The following LAMC1 variants were observed in gnomAD, a reference collection of about 807,000 sequenced individuals.
The protein encoded by LAMC1 is laminin subunit gamma 1.
In LAMC1, 38 loss-of-function variants were observed where a neutral mutation model predicts 173.6. The observed-to-expected ratio is 0.22, with a 90% CI of 0.17 to 0.29. The LOEUF (loss-of-function observed/expected upper bound fraction) is 0.29, where lower values mean the gene tolerates loss of function less well. LAMC1 is among the 10% of genes least tolerant of loss of function. The pLI, the probability that LAMC1 is intolerant of heterozygous loss-of-function variation, is 1.00. For synonymous variants in LAMC1, 746 were observed against 749.1 expected, an observed-to-expected ratio of 1.00 and a Z score of 0.07; for missense variants, 1,824 against 2,051.8, an observed-to-expected ratio of 0.89 and a Z score of 2.14.
At chr1:183,067,475 T>G (rs542781824) in intron 1 of LAMC1, among the ~76,000 whole-genome samples, 22 of 151,914 alleles carry the variant, frequency 1.4e-4, no homozygotes, top group South Asian at 1.2e-3. Flanking sequence ...CATATATATT[T>G]TTGTTGTTGT....
At chr1:183,089,603 T>A (rs762920998) in intron 1 of LAMC1, among the ~76,000 whole-genome samples, 2 of 152,206 alleles carry the variant, frequency 1.3e-5, no homozygotes, top group Non-Finnish European at 2.9e-5. Flanking sequence ...TCTGAAATGA[T>A]AATGTGCTTT....
intron 1 of LAMC1, among the ~76,000 whole-genome samples, chr1:183,076,274 G>T (rs538597400): frequency 1.3e-5 from 2 of 152,178 alleles, no homozygotes; most frequent in Admixed American, 6.5e-5. Context: ...TTATTGTTGG[G>T]CACACTTTAT....
intron 11 of LAMC1, among the ~76,000 whole-genome samples, chr1:183,118,480 T>G (rs924541715): frequency 1.3e-5 from 2 of 152,166 alleles, no homozygotes. Context: ...CCTAGCACTT[T>G]GGGAGGCTGA....
intron 24 of LAMC1, 75 bp downstream of exon 24, chr1:183,135,231 C>T: frequency 1.2e-6 from 1 of 865,268 alleles, no homozygotes; most frequent in Non-Finnish European, 1.9e-6. Context: ...ATGACTTTTA[C>T]CATATTTATT....
intron 26 of LAMC1, among the ~76,000 whole-genome samples, chr1:183,139,025 C>A (rs1657030142): frequency 1.3e-5 from 2 of 151,864 alleles, no homozygotes; most frequent in Non-Finnish European, 2.9e-5. Context: ...CCCTGGGCCA[C>A]AGAGGAAGAC....
chr1:183,092,643 G>A (rs1655593946), intron 1 of LAMC1, among the ~76,000 whole-genome samples: 1 of 152,152 alleles, frequency 6.6e-6, no homozygotes, highest in African/African-American at 2.4e-5. Flanking sequence ...TAGAGCGCCT[G>A]GGGGTTTTGA....
Position 183,130,527 on chromosome 1 carries a change from C to G in LAMC1, c.3464C>G (p.Ala1155Gly), listed in dbSNP as rs1162206748. 2 of 1,614,148 alleles carry G rather than the reference C, an allele frequency of 1.2e-6. No homozygotes were observed. Among genetic ancestry groups the G allele is most frequent in the Non-Finnish European group, 1.7e-6 (2 of 1,179,998 alleles). ...IEIASRELEK[A>G]KVAAANVSVT... ...ATCGCATCCAGAGAACTTGAGAAAGCAAAAGTCGCTGCTGCCAATGTGGTA... is the reference window on the plus strand; with the variant it reads ...ATCGCATCCAGAGAACTTGAGAAAGGAAAAGTCGCTGCTGCCAATGTGGTA... Residue 1155 changes from alanine to glycine, a missense_variant, in exon 19 of 28, where the codon GCA becomes GGA. Physicochemically the swap from Ala to Gly is moderately conservative, Grantham distance 60. Coordinates refer to ENST00000258341, the MANE Select transcript of LAMC1 (RefSeq NM_002293.4).
At chr1:183,099,474 A>G (rs946768205) in intron 1 of LAMC1, among the ~76,000 whole-genome samples, 2 of 152,050 alleles carry the variant, frequency 1.3e-5, no homozygotes, top group Admixed American at 6.5e-5. Context: ...GCTGATGGAT[A>G]CTTCTTAGTC....
In LAMC1 at chr1:183,124,888, T is replaced by C. The variant is rs1207949496; in HGVS notation, c.2647+12T>C. The C allele has an allele frequency of 6.2e-7, 1 of 1,612,338 alleles. No homozygotes were observed. The highest frequency in any genetic ancestry group is 2.2e-5 in the East Asian group (1 of 44,848). On this transcript the variant is annotated intron_variant, in intron 14 of 27. Coordinates refer to ENST00000258341, the MANE Select transcript of LAMC1 (RefSeq NM_002293.4). ...AGACAAATGCAAAGGTAATCAGCCT[T>C]TGATCAGATTCTGTCACAGCTAAAT...
At chr1:183,049,517 G>T (rs1654355357) in intron 1 of LAMC1, among the ~76,000 whole-genome samples, 1 of 150,542 alleles carries the variant, frequency 6.6e-6, no homozygotes, top group African/African-American at 2.4e-5. Flanking sequence ...AGGCTGAAGT[G>T]CAGTGGTGTG....
At position 183,115,598 on chromosome 1, in the gene LAMC1, G is replaced by C; in HGVS notation, c.1289G>C (p.Cys430Ser). 6.2e-7 allele frequency: 1 copy of C among 1,614,044 alleles called. No homozygotes were observed. Among genetic ancestry groups the C allele is most frequent in the Non-Finnish European group, 8.5e-7 (1 of 1,179,906 alleles). ...GTGATGGGGGACAAATGTGACCGTT[G>C]CCAGCCTGGATTCCATTCTCTCACT... The part of the protein sequence containing the change: ...PGVMGDKCDR[C>S]QPGFHSLTEA... Residue 430 changes from cysteine (C) to serine (S), a missense_variant, in exon 6 of 28, where the codon TGC becomes TCC. Transcript: ENST00000258341.
intron 1 of LAMC1, among the ~76,000 whole-genome samples, chr1:183,083,436 A>G (rs1319454640): frequency 1.7e-5 from 2 of 119,134 alleles, no homozygotes; most frequent in African/African-American, 5.7e-5. Context: ...ATACTACCTG[A>G]TGTATGCTGG....
At chr1:183,084,159 G>A (rs1228257252) in intron 1 of LAMC1, among the ~76,000 whole-genome samples, 1 of 152,040 alleles carries the variant, frequency 6.6e-6, no homozygotes, top group Admixed American at 6.6e-5. Context: ...TCGAGACCAA[G>A]TGAAACCCTG....
intron 1 of LAMC1, among the ~76,000 whole-genome samples, chr1:183,070,951 G>A (rs1380033603): frequency 6.6e-6 from 1 of 152,174 alleles, no homozygotes; most frequent in East Asian, 1.9e-4. Context: ...GCAAGAGTGT[G>A]TGGGAGACAT....
At chr1:183,067,208 C>G (rs1654896645) in intron 1 of LAMC1, among the ~76,000 whole-genome samples, 1 of 151,938 alleles carries the variant, frequency 6.6e-6, no homozygotes, top group South Asian at 2.1e-4. Context: ...AGGACTTTGT[C>G]TAACTATTGA....
intron 1 of LAMC1, among the ~76,000 whole-genome samples, chr1:183,085,134 T>C (rs1197729661): frequency 1.3e-5 from 2 of 151,912 alleles, no homozygotes; most frequent in Non-Finnish European, 2.9e-5. Flanking sequence ...TGGGAATTGC[T>C]TGAACCTAGG....
chr1:183,086,451 G>T (rs1046725997), intron 1 of LAMC1, among the ~76,000 whole-genome samples: 6 of 152,192 alleles, frequency 3.9e-5, no homozygotes, highest in Non-Finnish European at 8.8e-5. Flanking sequence ...TGCTACTAAA[G>T]AATTTATTCT....
Position 183,134,612 on chromosome 1 carries a change from G to C in LAMC1, c.3850-48G>C, listed in dbSNP as rs756247428. ...AGTTCCTAAGCCTACCTTTTCATTAGTTTAAATGTTTTATCCAAAGTGTAG... is the reference window on the plus strand; with the variant it reads ...AGTTCCTAAGCCTACCTTTTCATTACTTTAAATGTTTTATCCAAAGTGTAG... On this transcript the variant is annotated intron_variant, in intron 22 of 27. Coordinates refer to ENST00000258341, the MANE Select transcript of LAMC1 (RefSeq NM_002293.4). The C allele has an allele frequency of 1.3e-6, 2 of 1,506,956 alleles. 1 individual carries two copies. The highest frequency in any genetic ancestry group is 2.5e-5 in the South Asian group (2 of 80,270). The allele number at this position is 1,506,956 out of a possible 1,614,324, so 93.3% of individuals were successfully genotyped here. A position where few individuals can be genotyped will look rare whatever the true frequency, so the allele number is the denominator to read the frequency against.
intron 17 of LAMC1, among the ~76,000 whole-genome samples, chr1:183,127,960 T>C (rs1454686173): frequency 6.6e-6 from 1 of 152,226 alleles, no homozygotes; most frequent in African/African-American, 2.4e-5. Context: ...GGAGCACTCT[T>C]GACTGATGTG....
Sources: allele counts gnomAD v4.1 joint callset (sites outside exome capture counted in the v4.1 genomes callset), GRCh38; gene constraint gnomAD v4.1.1; transcripts MANE v1.5; gene names NCBI Gene and HGNC (gene_info 2026-07-23, HGNC 2026-07-21).